PSKH1: variants seen among roughly 807,000 people sequenced by gnomAD.
The protein encoded by PSKH1 is protein serine kinase H1, also known as serine/threonine-protein kinase H1.
PSKH1 carries 12 observed loss-of-function variants against 26.7 expected under a neutral mutation model. The observed-to-expected ratio is 0.45, with a 90% CI of 0.29 to 0.73. PSKH1 has a LOEUF of 0.73. Among genes scored for constraint, PSKH1 ranks in the 30% least tolerant of loss-of-function variants. The pLI is 0.11. For missense variants in PSKH1, 431 were observed against 595.2 expected (o/e 0.72, Z 2.87); for synonymous variants, 213 against 234.3 (o/e 0.91, Z 0.83).
chr16:67,914,456 AT>A lies in PSKH1; in HGVS notation c.957+4762del, dbSNP rs374527869. On this transcript the variant is annotated intron_variant, in intron 2 of 2. Transcript: ENST00000291041. The stretch of plus-strand genomic sequence containing the variant: ...GCGTGAGCCACTGTGTCCGGTCTGA[AT>A]TTTTTTTTTTTCTTTGAGATGGAGT... Among the ~76,000 whole-genome samples, 1,206 of 124,870 alleles carry A rather than the reference AT, an allele frequency of 9.7e-3. 8 individuals carry two copies. Among genetic ancestry groups the A allele is most frequent in the African/African-American group, 0.026 (867 of 32,872 alleles). The allele number at this position is 124,870 out of a possible 152,430, so 81.9% of individuals were successfully genotyped here. A position where few individuals can be genotyped will look rare whatever the true frequency, so the allele number is the denominator to read the frequency against.
chr16:67,913,761 T>G (rs1167764085), intron 2 of PSKH1, among the ~76,000 whole-genome samples: 2 of 152,184 alleles, frequency 1.3e-5, no homozygotes, highest in Non-Finnish European at 2.9e-5. Context: ...AAAATGTAGA[T>G]TCTGATTTAA....
intron 2 of PSKH1, among the ~76,000 whole-genome samples, chr16:67,913,221 A>G (rs1205649748): frequency 4.0e-5 from 6 of 151,692 alleles, no homozygotes; most frequent in Admixed American, 2.0e-4. Flanking sequence ...ATCTTGGCTC[A>G]CTGCAGCTTC....
At chr16:67,898,083 C>G (rs1430359851) in intron 1 of PSKH1, among the ~76,000 whole-genome samples, 2 of 152,144 alleles carry the variant, frequency 1.3e-5, no homozygotes, top group African/African-American at 2.4e-5. Context: ...AACTCTTGAC[C>G]TCATGATCCA....
chr16:67,897,184 T>C (rs2058128829), intron 1 of PSKH1, among the ~76,000 whole-genome samples: 1 of 152,198 alleles, frequency 6.6e-6, no homozygotes, highest in Admixed American at 6.5e-5. Context: ...TATCATTCTC[T>C]CTGTGTATCT....
At chr16:67,918,346 T>G (rs2058193133) in intron 2 of PSKH1, among the ~76,000 whole-genome samples, 2 of 151,984 alleles carry the variant, frequency 1.3e-5, no homozygotes, top group Admixed American at 6.6e-5. Flanking sequence ...TGAGCCCAGG[T>G]GACTGTACTA....
intron 2 of PSKH1, among the ~76,000 whole-genome samples, chr16:67,925,570 A>C (rs2151315425): frequency 6.6e-6 from 1 of 151,942 alleles, no homozygotes; most frequent in South Asian, 2.1e-4. Flanking sequence ...CTCTGCGCCC[A>C]CCCACAGCCC....
In PSKH1 at chr16:67,909,069, G is replaced by A; in HGVS notation, c.320G>A (p.Gly107Asp). ...KYDIKALIGR[G>D]SFSRVVRVEH... Reference sequence around the variant, plus strand: ...GACATCAAGGCCCTAATTGGCCGAGGCAGCTTCAGCCGAGTGGTACGTGTA... The same window carrying A: ...GACATCAAGGCCCTAATTGGCCGAGACAGCTTCAGCCGAGTGGTACGTGTA... Residue 107 changes from glycine (G) to aspartate (D), a missense_variant, in exon 2 of 3, where the codon GGC (glycine) becomes GAC (aspartate). By Grantham distance (94) the Gly-to-Asp change is moderately conservative. Coordinates refer to ENST00000291041, the MANE Select transcript of PSKH1 (RefSeq NM_006742.3). This position sits in a 1 kb window ranked among gnomAD's most constrained non-coding sequence, Gnocchi z 7.8. 1 of 1,614,204 alleles carries A rather than the reference G, an allele frequency of 6.2e-7. No individual in the cohort carries two copies. The highest frequency in any genetic ancestry group is 8.5e-7 in the Non-Finnish European group (1 of 1,180,038).
At chr16:67,893,597 A>C (rs1237207445) in intron 1 of PSKH1, among the ~76,000 whole-genome samples, 6 of 152,184 alleles carry the variant, frequency 3.9e-5, no homozygotes, top group African/African-American at 1.4e-4. Flanking sequence ...GTCGTGCTGG[A>C]TAGCCCGTCT....
intron 2 of PSKH1, among the ~76,000 whole-genome samples, chr16:67,917,100 C>A (rs1389709985): frequency 1.3e-5 from 2 of 152,244 alleles, no homozygotes; most frequent in Non-Finnish European, 2.9e-5. Flanking sequence ...TTGTGTGGTG[C>A]CCACTAAGTA....
At chr16:67,915,082 G>A (rs370254861) in intron 2 of PSKH1, among the ~76,000 whole-genome samples, 7 of 152,090 alleles carry the variant, frequency 4.6e-5, no homozygotes, top group East Asian at 3.8e-4. Flanking sequence ...GTTCCTGCCC[G>A]CTCCTACTGT....
At chr16:67,907,991 TAAG>T (rs2058161274) in intron 1 of PSKH1, among the ~76,000 whole-genome samples, 1 of 151,962 alleles carries the variant, frequency 6.6e-6, no homozygotes, top group African/African-American at 2.4e-5. Context: ...TCAAGAGTAA[TAAG>T]AGGAATGATT....
At chr16:67,920,881 G>C (rs764750531) in intron 2 of PSKH1, among the ~76,000 whole-genome samples, 4 of 152,064 alleles carry the variant, frequency 2.6e-5, no homozygotes, top group Non-Finnish European at 4.4e-5. Context: ...ACCTACCACT[G>C]GCCCTAAGCC....
At chr16:67,905,078 G>A (rs538714099) in intron 1 of PSKH1, among the ~76,000 whole-genome samples, 11 of 151,378 alleles carry the variant, frequency 7.3e-5, no homozygotes, top group African/African-American at 9.7e-5. Flanking sequence ...CACCCGCCTC[G>A]GCCTCCCAAA....
intron 1 of PSKH1, among the ~76,000 whole-genome samples, chr16:67,905,176 C>T (rs1471209835): frequency 6.6e-6 from 1 of 152,150 alleles, no homozygotes; most frequent in Admixed American, 6.6e-5. Flanking sequence ...CAACCTCATC[C>T]TTCTCTCTAA....
intron 1 of PSKH1, among the ~76,000 whole-genome samples, chr16:67,901,992 G>T (rs1396830472): frequency 2.6e-5 from 4 of 152,098 alleles, no homozygotes; most frequent in Non-Finnish European, 5.9e-5. Flanking sequence ...GGGTGCAGTG[G>T]CTCACACCTG....
intron 1 of PSKH1, among the ~76,000 whole-genome samples, chr16:67,906,967 C>G (rs1207449764): frequency 6.6e-6 from 1 of 151,078 alleles, no homozygotes; most frequent in Admixed American, 6.6e-5. Flanking sequence ...GCCCCTCTGA[C>G]TCTTTTTTTT....
intron 2 of PSKH1, among the ~76,000 whole-genome samples, chr16:67,925,081 A>G (rs1039312765): frequency 1.3e-5 from 2 of 151,996 alleles, no homozygotes; most frequent in Non-Finnish European, 2.9e-5. Context: ...TTGGGATTAT[A>G]GGCGGAAGCC....
intron 1 of PSKH1, among the ~76,000 whole-genome samples, chr16:67,907,563 G>A (rs550424987): frequency 3.1e-4 from 47 of 152,292 alleles, no homozygotes; most frequent in African/African-American, 1.1e-3. Context: ...GCCCGGCCCC[G>A]CCTCTGACTC....
chr16:67,924,901 CTGCCCCCAGTAG>C (rs1163447203), intron 2 of PSKH1, among the ~76,000 whole-genome samples: 1 of 152,180 alleles, frequency 6.6e-6, no homozygotes, highest in Non-Finnish European at 1.5e-5. Context: ...TCTGGACTGG[CTGCCCCCAGTAG>C]TGGTTCCTTG....
Sources: allele counts gnomAD v4.1 joint callset (sites outside exome capture counted in the v4.1 genomes callset), GRCh38; gene constraint gnomAD v4.1.1; non-coding constraint Gnocchi (gnomAD v3.1); transcripts MANE v1.5; gene names NCBI Gene and HGNC (gene_info 2026-07-23, HGNC 2026-07-21).